NTRK2: variants seen among roughly 807,000 people sequenced by gnomAD.
NTRK2 encodes the protein BDNF/NT-3 growth factors receptor.
A neutral mutation model predicts 94.5 loss-of-function variants in NTRK2; 13 were observed. That is an observed-to-expected ratio of 0.14 (90% confidence interval 0.09 to 0.22). NTRK2 has a LOEUF of 0.22. Among genes scored for constraint, NTRK2 ranks in the 10% least tolerant of loss-of-function variants. NTRK2 has a pLI of 1.00. For synonymous variants in NTRK2, 372 were observed against 407.4 expected (o/e 0.91, Z 1.05); for missense variants, 639 against 1,071.2 (o/e 0.60, Z 5.63).
intron 11 of NTRK2, among the ~76,000 whole-genome samples, chr9:84,751,242 A>G (rs1203738961): frequency 6.6e-6 from 1 of 152,212 alleles, no homozygotes; most frequent in Non-Finnish European, 1.5e-5. Context: ...GCACTTCAGT[A>G]GAGAGAATAG....
intron 12 of NTRK2, among the ~76,000 whole-genome samples, chr9:84,856,170 T>G (rs1360199995): frequency 6.6e-6 from 1 of 152,176 alleles, no homozygotes; most frequent in Non-Finnish European, 1.5e-5. Flanking sequence ...ATTGTAAGTT[T>G]GATGAAGGAC....
intron 17 of NTRK2, among the ~76,000 whole-genome samples, chr9:84,984,780 C>T (rs907698065): frequency 8.5e-5 from 13 of 152,206 alleles, no homozygotes; most frequent in South Asian, 4.1e-4. Context: ...GCCGTAGGTT[C>T]GTGTCTTATC....
At chr9:84,763,806 A>T (rs536196444) in intron 12 of NTRK2, among the ~76,000 whole-genome samples, 1 of 152,078 alleles carries the variant, frequency 6.6e-6, no homozygotes, top group Admixed American at 6.6e-5. Flanking sequence ...TCAAACCAAG[A>T]TCAATTCAAA....
chr9:84,817,209 G>A (rs929418094), intron 12 of NTRK2, among the ~76,000 whole-genome samples: 6 of 152,104 alleles, frequency 3.9e-5, no homozygotes, highest in African/African-American at 1.2e-4. Context: ...GGTGTACCTC[G>A]GTAAATGTCC....
At chr9:84,805,659 A>C (rs759058692) in intron 12 of NTRK2, among the ~76,000 whole-genome samples, 2 of 152,220 alleles carry the variant, frequency 1.3e-5, no homozygotes, top group Non-Finnish European at 2.9e-5. Flanking sequence ...GTCCCCTCTG[A>C]AACTCATGTT....
intron 17 of NTRK2, among the ~76,000 whole-genome samples, chr9:84,995,698 T>A (rs1186675247): frequency 2.0e-5 from 3 of 152,290 alleles, no homozygotes; most frequent in South Asian, 4.2e-4. Context: ...ACTACATATA[T>A]AAAGAACTAG....
chr9:84,861,957 A>G (rs768275089), intron 13 of NTRK2, among the ~76,000 whole-genome samples: 10 of 152,184 alleles, frequency 6.6e-5, no homozygotes, highest in African/African-American at 9.6e-5. Context: ...TGGCCATATA[A>G]GGAGCTGTTT....
intron 14 of NTRK2, among the ~76,000 whole-genome samples, chr9:84,895,455 C>T (rs1470636991): frequency 6.6e-6 from 1 of 152,166 alleles, no homozygotes; most frequent in African/African-American, 2.4e-5. Flanking sequence ...AGAGGAGAGA[C>T]AGGGAATTCT....
intron 12 of NTRK2, among the ~76,000 whole-genome samples, chr9:84,825,072 C>T (rs182946614): frequency 1.7e-3 from 251 of 151,774 alleles, no homozygotes; most frequent in Middle Eastern, 3.4e-3. Flanking sequence ...GGACAATTTG[C>T]TCATCCTTCC....
chr9:84,807,668 G>A (rs893142698), intron 12 of NTRK2, among the ~76,000 whole-genome samples: 1 of 152,132 alleles, frequency 6.6e-6, no homozygotes, highest in Non-Finnish European at 1.5e-5. Context: ...ATTTGTTGTG[G>A]TCTAAAAACT....
At chr9:84,948,287 G>A (rs2078666573) in intron 15 of NTRK2, among the ~76,000 whole-genome samples, 175 bp from the exon 16 acceptor site, 1 of 152,120 alleles carries the variant, frequency 6.6e-6, no homozygotes, top group Non-Finnish European at 1.5e-5. Flanking sequence ...GTCATAAGCT[G>A]GAAAGCTTTG....
intron 12 of NTRK2, chr9:84,811,108 C>A: frequency 1.9e-6 from 2 of 1,068,798 alleles, no homozygotes; most frequent in Non-Finnish European, 2.3e-6. Context: ...TTGACTTTTT[C>A]ATCTATAACA....
chr9:84,775,902 A>G (rs2066984913), intron 12 of NTRK2, among the ~76,000 whole-genome samples: 1 of 152,194 alleles, frequency 6.6e-6, no homozygotes, highest in Non-Finnish European at 1.5e-5. Flanking sequence ...ATGCTCTTTA[A>G]AATTTGAGAA....
chr9:84,832,151 C>T (rs1043938052), intron 12 of NTRK2, among the ~76,000 whole-genome samples: 1 of 152,154 alleles, frequency 6.6e-6, no homozygotes, highest in Admixed American at 6.5e-5. Context: ...CGTTTCTCTC[C>T]ATATAACTGG....
intron 17 of NTRK2, among the ~76,000 whole-genome samples, chr9:84,999,493 T>A (rs192019682): frequency 2.8e-4 from 43 of 152,366 alleles, no homozygotes; most frequent in Non-Finnish European, 1.6e-4. Flanking sequence ...CATTTGAATG[T>A]ATTTTAGCTG....
At chr9:84,880,524 G>A (rs1193909774) in intron 14 of NTRK2, among the ~76,000 whole-genome samples, 1 of 152,170 alleles carries the variant, frequency 6.6e-6, no homozygotes, top group East Asian at 1.9e-4. Flanking sequence ...CTGGCTAATT[G>A]AATGGAGTCA....
chr9:84,743,772 T>C (rs1238169094), intron 10 of NTRK2, among the ~76,000 whole-genome samples: 1 of 152,210 alleles, frequency 6.6e-6, no homozygotes, highest in Non-Finnish European at 1.5e-5. Context: ...GCAGACGTAG[T>C]TGGCTATAAC....
At position 84,825,032 on chromosome 9, in the gene NTRK2, A is replaced by T. The variant is rs112243593; in HGVS notation, c.1397-36008A>T. On this transcript the variant is annotated intron_variant, in intron 12 of 18. Transcript: ENST00000277120. ...AACTGAGTTCATCACGTGTTCCCAG[A>T]CACACCTGCCCCGTGCCTTCTGCTG... 1.6e-3 allele frequency among the ~76,000 whole-genome samples: 245 copies of T among 151,402 alleles called. 2 individuals are homozygous for T. The highest frequency in any genetic ancestry group is 5.7e-3 in the African/African-American group (235 of 41,206).
chr9:84,784,391 A>G (rs1187734862), intron 12 of NTRK2, among the ~76,000 whole-genome samples: 1 of 152,204 alleles, frequency 6.6e-6, no homozygotes, highest in African/African-American at 2.4e-5. Context: ...TGTTAACTCT[A>G]GTTCCAGTCC....
Sources: gnomAD v4.1 joint callset for allele counts (sites outside exome capture counted in the v4.1 genomes callset) on GRCh38, gnomAD v4.1.1 for gene constraint, MANE v1.5 for transcripts, NCBI Gene and HGNC (gene_info 2026-07-23, HGNC 2026-07-21) for gene names.